KDM4C: variants seen among roughly 807,000 people sequenced by gnomAD.
The protein encoded by KDM4C is lysine-specific demethylase 4C.
In KDM4C, 81 loss-of-function variants were observed where a neutral mutation model predicts 129.3. The ratio of observed to expected loss-of-function variants is 0.63; its 90% CI spans 0.52 to 0.75. The LOEUF (loss-of-function observed/expected upper bound fraction) is 0.75, where lower values mean the gene tolerates loss of function less well. Among genes scored for constraint, KDM4C ranks in the 30% least tolerant of loss-of-function variants. The pLI is 0.00. For synonymous variants in KDM4C, 573 were observed against 456.1 expected (o/e 1.26, Z -3.26); for missense variants, 1,457 against 1,304.0 (o/e 1.12, Z -1.81).
At chr9:6,724,778 C>G (rs1462939337) in intron 1 of KDM4C, among the ~76,000 whole-genome samples, 1 of 152,174 alleles carries the variant, frequency 6.6e-6, no homozygotes, top group Non-Finnish European at 1.5e-5. Context: ...ATCTGCCCAC[C>G]TCGGCCTCCC....
intron 17 of KDM4C, among the ~76,000 whole-genome samples, chr9:7,054,854 T>C (rs1256207384): frequency 6.6e-6 from 1 of 152,214 alleles, no homozygotes; most frequent in Non-Finnish European, 1.5e-5. Flanking sequence ...TTTTAAATAC[T>C]CTATTTGGAG....
At chr9:6,785,133 T>A (rs945658635) in intron 1 of KDM4C, among the ~76,000 whole-genome samples, 1 of 152,176 alleles carries the variant, frequency 6.6e-6, no homozygotes, top group Non-Finnish European at 1.5e-5. Context: ...CTGTCACAGT[T>A]CTGGAGGCTA....
At chr9:7,164,734 C>T (rs1587954289) in intron 19 of KDM4C, among the ~76,000 whole-genome samples, 1 of 152,300 alleles carries the variant, frequency 6.6e-6, no homozygotes, top group Non-Finnish European at 1.5e-5. Flanking sequence ...TAGCTTCACT[C>T]CTCCAGAGAT....
chr9:6,744,350 C>T (rs903823390), intron 1 of KDM4C, among the ~76,000 whole-genome samples: 6 of 151,912 alleles, frequency 3.9e-5, no homozygotes, highest in Non-Finnish European at 7.4e-5. Context: ...ATGGTGAAAC[C>T]GCATCTCTAC....
In KDM4C at chr9:6,832,526, C is replaced by A. The variant is rs1300543105; in HGVS notation, c.436-16981C>A. ...CTGCAAGCTCCGCCTCCTGGGTTCA[C>A]GCCATTCTCCTGCCTCAGCCTCCCG... On this transcript the variant is annotated intron_variant, in intron 4 of 21. Transcript: ENST00000381309. 2.3e-5 allele frequency among the ~76,000 whole-genome samples: 3 copies of A among 130,668 alleles called. No individual in the cohort carries two copies. The South Asian group carries it at 8.0e-4, about 35-fold the overall frequency. 85.7% of individuals were successfully genotyped at this position (130,668 alleles called of 152,430 possible).
intron 8 of KDM4C, among the ~76,000 whole-genome samples, chr9:6,933,582 G>A (rs1413102800): frequency 6.6e-6 from 1 of 152,188 alleles, no homozygotes; most frequent in Non-Finnish European, 1.5e-5. Flanking sequence ...AGAATGCTGT[G>A]TAATAATTAA....
At chr9:6,784,919 C>A (rs936898505) in intron 1 of KDM4C, among the ~76,000 whole-genome samples, 17 of 152,122 alleles carry the variant, frequency 1.1e-4, no homozygotes, top group African/African-American at 3.9e-4. Context: ...CCTTTTCCTC[C>A]CCAGTTTAGA....
chr9:7,123,982 A>C (rs1839774870), intron 18 of KDM4C, among the ~76,000 whole-genome samples: 1 of 152,198 alleles, frequency 6.6e-6, no homozygotes, highest in East Asian at 1.9e-4. Context: ...TGAAGGTCTC[A>C]GTATGTTCTT....
intron 18 of KDM4C, among the ~76,000 whole-genome samples, chr9:7,105,835 G>T (rs1285111218): frequency 6.6e-6 from 1 of 152,132 alleles, no homozygotes; most frequent in African/African-American, 2.4e-5. Flanking sequence ...TCAAGTTTAG[G>T]TTACTAATGT....
chr9:6,860,289 G>T (rs966242169), intron 5 of KDM4C, among the ~76,000 whole-genome samples: 2 of 152,134 alleles, frequency 1.3e-5, no homozygotes, highest in Non-Finnish European at 2.9e-5. Flanking sequence ...GTGTTACTTG[G>T]AAACATTCTT....
chr9:7,031,105 A>G (rs909676003), intron 15 of KDM4C, among the ~76,000 whole-genome samples: 2 of 151,650 alleles, frequency 1.3e-5, no homozygotes, highest in Non-Finnish European at 2.9e-5. Context: ...CCATACATGT[A>G]TTCATTGTGT....
intron 1 of KDM4C, among the ~76,000 whole-genome samples, chr9:6,749,929 T>C (rs566545527): frequency 7.5e-6 from 1 of 133,408 alleles, no homozygotes; most frequent in African/African-American, 2.9e-5. Context: ...GAGGTTGCAG[T>C]GAGCCAAGAT....
chr9:6,792,201 G>A (rs1432183917), intron 1 of KDM4C, among the ~76,000 whole-genome samples: 4 of 151,922 alleles, frequency 2.6e-5, no homozygotes, highest in Middle Eastern at 6.8e-3. Flanking sequence ...AAGGTAGCCC[G>A]GCATGGTGGC....
intron 1 of KDM4C, among the ~76,000 whole-genome samples, chr9:6,789,361 T>C (rs576973162): frequency 2.6e-5 from 4 of 151,910 alleles, no homozygotes; most frequent in African/African-American, 9.6e-5. Context: ...GCTTGGCTTA[T>C]AGACATGTGC....
intron 1 of KDM4C, among the ~76,000 whole-genome samples, chr9:6,774,859 T>C (rs1179738667): frequency 1.3e-5 from 2 of 152,188 alleles, no homozygotes; most frequent in Non-Finnish European, 2.9e-5. Flanking sequence ...TTGGCAACCA[T>C]GTCCTGATTT....
At chr9:7,049,307 T>G (rs574231963) in intron 17 of KDM4C, 107 bp downstream of exon 17, 1 of 531,072 alleles carries the variant, frequency 1.9e-6, no homozygotes, top group Admixed American at 3.9e-5. Flanking sequence ...CCTAGCTTTC[T>G]TTTATTTTTC....
At chr9:6,794,133 A>G (rs1408073291) in intron 2 of KDM4C, among the ~76,000 whole-genome samples, 1 of 152,196 alleles carries the variant, frequency 6.6e-6, no homozygotes, top group East Asian at 1.9e-4. Context: ...TTTGTTCAAC[A>G]AATGTGGAGA....
At position 6,796,301 on chromosome 9, in the gene KDM4C, C is replaced by T. The variant is rs575237512; in HGVS notation, c.144+3169C>T. Among the ~76,000 whole-genome samples, 6 of 152,226 alleles carry T rather than the reference C, an allele frequency of 3.9e-5. No individual in the cohort carries two copies. The East Asian group carries it at 5.8e-4, about 15-fold the overall frequency. On this transcript the variant is annotated intron_variant, in intron 2 of 21. Coordinates refer to ENST00000381309, the MANE Select transcript of KDM4C (RefSeq NM_015061.6). ...CTCTACCAAAAATACAAATTTTAGCCGGGCTTGGAGGTGGGCGCCTGTAGT... is the reference window on the plus strand; with the variant it reads ...CTCTACCAAAAATACAAATTTTAGCTGGGCTTGGAGGTGGGCGCCTGTAGT...
chr9:6,901,424 C>T (rs903676669), intron 8 of KDM4C, among the ~76,000 whole-genome samples: 1 of 152,172 alleles, frequency 6.6e-6, no homozygotes, highest in Non-Finnish European at 1.5e-5. Flanking sequence ...AGCAGCTCAG[C>T]AACCTCATGA....
Sources: gnomAD v4.1 joint callset for allele counts (sites outside exome capture counted in the v4.1 genomes callset) on GRCh38, gnomAD v4.1.1 for gene constraint, MANE v1.5 for transcripts, NCBI Gene and HGNC (gene_info 2026-07-23, HGNC 2026-07-21) for gene names.